The following EYS variants were observed in gnomAD, a reference collection of about 807,000 sequenced individuals.
EYS encodes the protein protein eyes shut homolog.
EYS carries 250 observed loss-of-function variants against 282.1 expected under a neutral mutation model. The observed-to-expected ratio is 0.89, with a 90% CI of 0.80 to 0.98. EYS has a LOEUF of 0.98. Ranked by LOEUF, EYS falls within the 50% of genes least tolerant of loss-of-function variation. The pLI is 0.00. For missense variants in EYS, 4,016 were observed against 3,709.0 expected, an observed-to-expected ratio of 1.08 and a Z score of -2.15; for synonymous variants, 1,355 against 1,282.9, an observed-to-expected ratio of 1.06 and a Z score of -1.20.
chr6:64,908,642 C>G (rs1021776628), intron 16 of EYS, among the ~76,000 whole-genome samples: 1 of 151,994 alleles, frequency 6.6e-6, no homozygotes, highest in Non-Finnish European at 1.5e-5. Flanking sequence ...GGAGAGGGTA[C>G]AGGAAGGACA....
At chr6:64,869,769 G>T (rs1375133500) in intron 19 of EYS, among the ~76,000 whole-genome samples, 1 of 151,592 alleles carries the variant, frequency 6.6e-6, no homozygotes. Flanking sequence ...AAGATCTTGA[G>T]AATTAGGTTA....
At chr6:64,060,139 T>C (rs1477159516) in intron 33 of EYS, among the ~76,000 whole-genome samples, 1 of 152,196 alleles carries the variant, frequency 6.6e-6, no homozygotes, top group Admixed American at 6.6e-5. Flanking sequence ...CATAGTTTCC[T>C]GGCTCTAAGA....
chr6:64,686,860 T>TATATATATACACACAC (rs1562134086), intron 22 of EYS, among the ~76,000 whole-genome samples: 16 of 25,976 alleles, frequency 6.2e-4, no homozygotes, highest in African/African-American at 1.4e-3. Flanking sequence ...TATATGTGTA[T>TATATATATACACACAC]ATATATACGT....
rs9444577 is a variant in EYS, at chr6:64,127,392, A to G, written c.6425-45390T>C. 2.0e-3 allele frequency among the ~76,000 whole-genome samples: 299 copies of G among 152,172 alleles called. 1 individual carries two copies. Among genetic ancestry groups the G allele is most frequent in the African/African-American group, 7.0e-3 (289 of 41,520 alleles). On this transcript the variant is annotated intron_variant, in intron 31 of 42. Transcript: ENST00000503581. ...TATAGGAAGGTAAGCTGCGAAAATTATTTTTCATTGGAAGATACTTTTAAC... is the reference window on the plus strand; with the variant it reads ...TATAGGAAGGTAAGCTGCGAAAATTGTTTTTCATTGGAAGATACTTTTAAC...
intron 34 of EYS, among the ~76,000 whole-genome samples, chr6:63,997,332 C>T (rs902449604): frequency 1.6e-4 from 25 of 152,078 alleles, no homozygotes; most frequent in Non-Finnish European, 2.9e-4. Flanking sequence ...TGTAATATAC[C>T]GTAACTCTGG....
chr6:63,932,956 C>T (rs1051943663), intron 35 of EYS, among the ~76,000 whole-genome samples: 1 of 152,236 alleles, frequency 6.6e-6, no homozygotes, highest in African/African-American at 2.4e-5. Context: ...TCCCATGATA[C>T]CTTCCTTGGG....
chr6:65,462,008 T>G (rs1239373491), intron 5 of EYS, among the ~76,000 whole-genome samples: 2 of 152,140 alleles, frequency 1.3e-5, no homozygotes, highest in Non-Finnish European at 2.9e-5. Flanking sequence ...TGAACACTTA[T>G]AGCAGTTTTA....
chr6:64,720,251 C>A (rs1284882244), intron 22 of EYS, among the ~76,000 whole-genome samples: 1 of 152,174 alleles, frequency 6.6e-6, no homozygotes, highest in Admixed American at 6.5e-5. Context: ...CCTTCTCTAA[C>A]CTCTGCTTCC....
chr6:65,254,093 G>T lies in EYS; in HGVS notation c.2023+41770C>A, dbSNP rs571889286. ...GCTAAAAGAAGTCTTTAAAACATAT[G>T]CCGAGATAACATAGCATTTATTTTG... On this transcript the variant is annotated intron_variant, in intron 12 of 42. Coordinates refer to ENST00000503581, the MANE Select transcript of EYS (RefSeq NM_001142800.2). Among the ~76,000 whole-genome samples, 5 of 151,916 alleles carry T rather than the reference G, an allele frequency of 3.3e-5. No individual in the cohort carries two copies. The East Asian group carries it at 9.7e-4, about 29-fold the overall frequency.
intron 30 of EYS, among the ~76,000 whole-genome samples, chr6:64,289,478 T>G (rs189302501): frequency 6.6e-6 from 1 of 152,190 alleles, no homozygotes; most frequent in East Asian, 1.9e-4. Context: ...TCTCATCCTA[T>G]GAGAAGGCTC....
intron 12 of EYS, among the ~76,000 whole-genome samples, chr6:65,255,070 A>C (rs1265861723): frequency 6.6e-6 from 1 of 151,988 alleles, no homozygotes; most frequent in Non-Finnish European, 1.5e-5. Context: ...AGAATAGCCA[A>C]AGCCATCCTG....
intron 12 of EYS, among the ~76,000 whole-genome samples, chr6:65,243,517 CCA>C (rs1399674377): frequency 6.6e-6 from 1 of 152,148 alleles, no homozygotes; most frequent in African/African-American, 2.4e-5. Context: ...GACTCAAATA[CCA>C]CAGACTCTTG....
chr6:64,486,507 T>C (rs1261566926), intron 26 of EYS, among the ~76,000 whole-genome samples: 1 of 151,448 alleles, frequency 6.6e-6, no homozygotes, highest in Non-Finnish European at 1.5e-5. Flanking sequence ...AAATTATTGA[T>C]TTAACATATT....
intron 35 of EYS, among the ~76,000 whole-genome samples, chr6:63,956,077 C>G (rs1043968381): frequency 1.2e-4 from 18 of 152,076 alleles, no homozygotes; most frequent in Non-Finnish European, 2.5e-4. Context: ...CCCATTATCT[C>G]TCCATACCAC....
chr6:65,030,398 C>T (rs552384516), intron 13 of EYS, among the ~76,000 whole-genome samples: 2 of 152,050 alleles, frequency 1.3e-5, no homozygotes, highest in Non-Finnish European at 2.9e-5. Context: ...GCACAGCATC[C>T]CCACACTGCA....
chr6:64,638,237 C>T lies in EYS; in HGVS notation c.3444-11992G>A, dbSNP rs866974018. On this transcript the variant is annotated intron_variant, in intron 22 of 42. Coordinates refer to ENST00000503581, the MANE Select transcript of EYS (RefSeq NM_001142800.2). ...ATAAATGTTGGGAAGAATGTAGGAC[C>T]TTCTGAGGCAGGGACAGAACTAAAC... Among the ~76,000 whole-genome samples, 3 of 91,496 alleles carry T rather than the reference C, an allele frequency of 3.3e-5. 1 individual carries two copies. The South Asian group carries it at 1.4e-3, about 42-fold the overall frequency. The allele number at this position is 91,496 out of a possible 152,430, so 60.0% of individuals were successfully genotyped here.
intron 29 of EYS, among the ~76,000 whole-genome samples, chr6:64,334,292 C>T (rs1770759267): frequency 6.6e-6 from 1 of 152,198 alleles, no homozygotes; most frequent in Middle Eastern, 3.4e-3. Flanking sequence ...TGGACAGGGG[C>T]ATGTGTATTA....
chr6:65,353,564 A>G lies in EYS; in HGVS notation c.1353T>C (p.Val451=), dbSNP rs1333242053. Residue 451 remains valine (V), a synonymous_variant, in exon 9 of 43, where the codon GTT becomes GTC. Transcript: ENST00000503581. The part of the protein sequence containing the change: ...TKNPCWFLKN[V]YLIHQHLCYC... ...AGCAGAGGTGTTGATGAATTAGGTA[A>G]ACATTCTTCAAAAACCAACATGGAT... The G allele has an allele frequency of 6.2e-7, 1 of 1,613,106 alleles. No homozygotes were observed. The highest frequency in any genetic ancestry group is 1.1e-5 in the South Asian group (1 of 91,074).
chr6:64,593,967 A>G (rs558291443), intron 24 of EYS, among the ~76,000 whole-genome samples: 19 of 152,292 alleles, frequency 1.2e-4, no homozygotes, highest in African/African-American at 4.6e-4. Flanking sequence ...TATATGAATC[A>G]TTTTTATTTG....
Sources: gnomAD v4.1 joint callset for allele counts (sites outside exome capture counted in the v4.1 genomes callset) on GRCh38, gnomAD v4.1.1 for gene constraint, MANE v1.5 for transcripts, NCBI Gene and HGNC (gene_info 2026-07-23, HGNC 2026-07-21) for gene names.